The following GRM8 variants were observed in gnomAD, a reference collection of about 807,000 sequenced individuals.
GRM8 encodes metabotropic glutamate receptor 8.
In GRM8, 47 loss-of-function variants were observed where a neutral mutation model predicts 87.2. The observed-to-expected ratio is 0.54, with a 90% CI of 0.43 to 0.69. The LOEUF (loss-of-function observed/expected upper bound fraction) is 0.69. Ranked by LOEUF, GRM8 falls within the 30% of genes least tolerant of loss-of-function variation. The pLI is 0.00. For missense variants in GRM8, 1,019 were observed against 1,139.2 expected (o/e 0.89, Z 1.52); for synonymous variants, 396 against 404.5 (o/e 0.98, Z 0.25).
chr7:127,000,249 G>A (rs778478588), intron 3 of GRM8, among the ~76,000 whole-genome samples: 19 of 151,862 alleles, frequency 1.3e-4, no homozygotes, highest in Middle Eastern at 3.4e-3. Flanking sequence ...GGGAATGGTA[G>A]TGGGGATGTG....
At chr7:126,621,110 AAC>A (rs1211737792) in intron 7 of GRM8, among the ~76,000 whole-genome samples, 2 of 152,228 alleles carry the variant, frequency 1.3e-5, no homozygotes, top group Non-Finnish European at 2.9e-5. Flanking sequence ...AGCAATTTTC[AAC>A]AGTGTCTCAA....
At chr7:126,657,167 GTACACACAAAAATAACCTTT>G (rs1804621494) in intron 7 of GRM8, among the ~76,000 whole-genome samples, 1 of 149,926 alleles carries the variant, frequency 6.7e-6, no homozygotes, top group African/African-American at 2.5e-5. Context: ...GGTTGTGCCT[GTACACACAAAAATAACCTTT>G]TAGAAAGGAA....
At chr7:126,798,898 G>C (rs896036334) in intron 6 of GRM8, among the ~76,000 whole-genome samples, 1 of 152,052 alleles carries the variant, frequency 6.6e-6, no homozygotes, top group African/African-American at 2.4e-5. Context: ...CAACGAATGT[G>C]GATCAGAAAG....
intron 6 of GRM8, among the ~76,000 whole-genome samples, chr7:126,897,457 T>C (rs999238295): frequency 6.6e-6 from 1 of 151,550 alleles, no homozygotes; most frequent in Non-Finnish European, 1.5e-5. Context: ...GGGAAATAAG[T>C]GTGTGAAAAA....
intron 3 of GRM8, among the ~76,000 whole-genome samples, chr7:126,917,558 G>T (rs771618996): frequency 3.3e-5 from 5 of 152,010 alleles, no homozygotes; most frequent in Non-Finnish European, 5.9e-5. Context: ...ATGCTATCAG[G>T]TTAGTAGGGT....
chr7:127,245,698 G>C (rs1798550337), intron 1 of GRM8, among the ~76,000 whole-genome samples: 1 of 152,244 alleles, frequency 6.6e-6, no homozygotes, highest in Non-Finnish European at 1.5e-5. Flanking sequence ...GCAGGAATCA[G>C]TTTTGTTTAG....
intron 8 of GRM8, among the ~76,000 whole-genome samples, chr7:126,600,773 A>C (rs1797662893): frequency 6.6e-6 from 1 of 152,174 alleles, no homozygotes. Flanking sequence ...TTGTTATTTT[A>C]TAAACAGAGA....
intron 3 of GRM8, among the ~76,000 whole-genome samples, chr7:126,975,590 C>A (rs1180824781): frequency 6.6e-6 from 1 of 152,182 alleles, no homozygotes; most frequent in African/African-American, 2.4e-5. Context: ...GTGGGGAAGG[C>A]ATGCGCCTAC....
chr7:126,595,476 G>A (rs770121974), intron 8 of GRM8, among the ~76,000 whole-genome samples: 4 of 149,166 alleles, frequency 2.7e-5, no homozygotes, highest in East Asian at 2.0e-4. Context: ...CATGTTGCCC[G>A]GGCTGGTCTC....
chr7:126,753,872 ATC>A, intron 7 of GRM8, among the ~76,000 whole-genome samples: 1 of 151,866 alleles, frequency 6.6e-6, no homozygotes, highest in Non-Finnish European at 1.5e-5. Context: ...ATTTTAAGTG[ATC>A]TGAATCCACA....
chr7:127,163,074 A>C (rs1431034619), intron 2 of GRM8, among the ~76,000 whole-genome samples: 4 of 152,126 alleles, frequency 2.6e-5, no homozygotes. Flanking sequence ...GGTGTGTAAC[A>C]GAGGGATAGG....
chr7:126,849,388 A>T (rs1797000334), intron 6 of GRM8, among the ~76,000 whole-genome samples: 1 of 152,184 alleles, frequency 6.6e-6, no homozygotes, highest in South Asian at 2.1e-4. Flanking sequence ...AACTGAGAAG[A>T]TAATCTTAGG....
At chr7:126,965,122 C>T (rs1809712064) in intron 3 of GRM8, among the ~76,000 whole-genome samples, 1 of 152,000 alleles carries the variant, frequency 6.6e-6, no homozygotes, top group African/African-American at 2.4e-5. Context: ...AACACATGGA[C>T]ACAGGGTGGG....
chr7:126,487,961 C>G (rs1807566592), intron 9 of GRM8, among the ~76,000 whole-genome samples: 1 of 151,978 alleles, frequency 6.6e-6, no homozygotes, highest in African/African-American at 2.4e-5. Context: ...AATTATCTGT[C>G]AGTCATTCCT....
intron 7 of GRM8, among the ~76,000 whole-genome samples, chr7:126,690,586 A>G (rs1808696883): frequency 6.6e-6 from 1 of 152,192 alleles, no homozygotes; most frequent in South Asian, 2.1e-4. Flanking sequence ...CTCTGCTTCT[A>G]GTAGACCACA....
chr7:126,473,105 C>T (rs983587917), intron 9 of GRM8, among the ~76,000 whole-genome samples: 4 of 152,114 alleles, frequency 2.6e-5, no homozygotes, highest in African/African-American at 9.7e-5. Context: ...ACACAGAGTC[C>T]CCACTGGGGC....
chr7:127,191,102 G>C (rs1795005440), intron 2 of GRM8, among the ~76,000 whole-genome samples: 1 of 152,086 alleles, frequency 6.6e-6, no homozygotes, highest in African/African-American at 2.4e-5. Context: ...TAACAGGTTT[G>C]ACAAAATGAA....
chr7:126,982,918 A>G (rs1244310538), intron 3 of GRM8, among the ~76,000 whole-genome samples: 1 of 152,018 alleles, frequency 6.6e-6, no homozygotes, highest in Admixed American at 6.6e-5. Context: ...TTTCCCATTG[A>G]CCTTAATCAC....
intron 3 of GRM8, among the ~76,000 whole-genome samples, chr7:127,063,994 T>C (rs1448503695): frequency 6.6e-6 from 1 of 152,256 alleles, no homozygotes; most frequent in Non-Finnish European, 1.5e-5. Flanking sequence ...AGAGTGTGTT[T>C]GGTATTATTT....
Sources: gnomAD v4.1 joint callset for allele counts (sites outside exome capture counted in the v4.1 genomes callset) on GRCh38, gnomAD v4.1.1 for gene constraint, MANE v1.5 for transcripts, NCBI Gene and HGNC (gene_info 2026-07-23, HGNC 2026-07-21) for gene names.